ASIC5: variants seen among roughly 807,000 people sequenced by gnomAD.
ASIC5 encodes the protein acid sensing ion channel subunit family member 5.
In ASIC5, 52 loss-of-function variants were observed where a neutral mutation model predicts 51.2. The ratio of observed to expected loss-of-function variants is 1.02; its 90% CI spans 0.81 to 1.28. The LOEUF is 1.28. ASIC5 is among the 50% of genes most tolerant of loss of function. ASIC5 has a pLI of 0.00. For synonymous variants in ASIC5, 231 were observed against 200.7 expected (o/e 1.15, Z -1.28); for missense variants, 635 against 595.0 (o/e 1.07, Z -0.70).
rs142227170 is a variant in ASIC5, at chr4:155,838,461, A to G, written c.1066+352T>C. ...TTCCCAATCAGTGAGAGGAGTTCTC[A>G]GTAATAAAACTTCTATTTATTTTTA... is the stretch of plus-strand genomic sequence containing the variant. On this transcript the variant is annotated intron_variant, in intron 7 of 9. Coordinates refer to ENST00000537611, the MANE Select transcript of ASIC5 (RefSeq NM_017419.3). Among the ~76,000 whole-genome samples the G allele has an allele frequency of 2.4e-3, 368 of 152,326 alleles. 1 individual carries two copies. The highest frequency in any genetic ancestry group is 8.1e-3 in the African/African-American group (337 of 41,582).
chr4:155,844,615 T>TTTTG (rs1553951811), intron 4 of ASIC5, among the ~76,000 whole-genome samples: 2 of 150,506 alleles, frequency 1.3e-5, no homozygotes, highest in Non-Finnish European at 3.0e-5. Context: ...TCTTGTGGGG[T>TTTTG]TGTGTGTGTG....
chr4:155,831,632 G>A (rs1458850116), intron 9 of ASIC5, among the ~76,000 whole-genome samples, 192 bp downstream of exon 9: 1 of 152,046 alleles, frequency 6.6e-6, no homozygotes, highest in African/African-American at 2.4e-5. Context: ...TTAGCCAGGC[G>A]TGGTGGCGGG....
Position 155,863,726 on chromosome 4 carries a change from A to G in ASIC5, c.69T>C (p.Leu23=). Residue 23 remains leucine (L), a synonymous_variant, in exon 2 of 10, where the codon CTT becomes CTC. Coordinates refer to ENST00000537611, the MANE Select transcript of ASIC5 (RefSeq NM_017419.3). ...NGLLEKIKLC[L]SKKPLPSPTE... is the part of the protein sequence containing the mutation. ...TGGGAGATGGCAGTGGTTTCTTTGA[A>G]AGGCAAAGCTTTATCTTTTCTAAGA... The G allele has an allele frequency of 1.9e-6, 3 of 1,613,632 alleles. No homozygotes were observed. The highest frequency in any genetic ancestry group is 2.5e-6 in the Non-Finnish European group (3 of 1,179,830).
intron 2 of ASIC5, chr4:155,855,305 C>T (rs1741505039): frequency 2.0e-5 from 3 of 151,922 alleles, no homozygotes; most frequent in African/African-American, 7.3e-5. Flanking sequence ...TTTTTAGACA[C>T]CTGCCTGGAA....
rs113904772 is a variant in ASIC5 at position 155,866,128 on chromosome 4, A to G, written c.40+59T>C. On this transcript the variant is annotated intron_variant, in intron 1 of 9. Coordinates refer to ENST00000537611, the MANE Select transcript of ASIC5 (RefSeq NM_017419.3). The stretch of plus-strand genomic sequence containing the variant: ...GAAGAAAAAAAATCTCTCTTTTCTT[A>G]CTTCTGGCCTCTAGAAATGAAAAAT... The G allele has an allele frequency of 3.9e-5, 42 of 1,066,716 alleles. 2 individuals carry two copies. In the African/African-American group the frequency reaches 5.9e-4, roughly 15 times the overall value. The allele number at this position is 1,066,716 out of a possible 1,614,324, so 66.1% of individuals were successfully genotyped here. A position where few individuals can be genotyped will look rare whatever the true frequency, so the allele number is the denominator to read the frequency against.
intron 8 of ASIC5, among the ~76,000 whole-genome samples, chr4:155,834,569 T>A (rs1229454708): frequency 6.6e-6 from 1 of 152,134 alleles, no homozygotes; most frequent in African/African-American, 2.4e-5. Flanking sequence ...GGTCCCTACA[T>A]GTACATTATG....
At chr4:155,857,408 G>A (rs189951773) in intron 2 of ASIC5, among the ~76,000 whole-genome samples, 24 of 152,158 alleles carry the variant, frequency 1.6e-4, no homozygotes, top group Admixed American at 1.5e-3. Context: ...ATAGGCACTA[G>A]CCACTGTGTC....
chr4:155,843,755 C>G lies in ASIC5; in HGVS notation c.787G>C (p.Val263Leu), dbSNP rs766433726. The G allele has an allele frequency of 3.1e-6, 5 of 1,613,716 alleles. No homozygotes were observed. Among genetic ancestry groups the G allele is most frequent in the Non-Finnish European group, 4.2e-6 (5 of 1,179,752 alleles). ...IIFVIHSPKK[V>L]PQFDGLGLLS... ...AAGCCTAACCCATCAAACTGTGGCACCTTCTTTGGTGAATGGATAACAAAG... is the reference window on the plus strand; with the variant it reads ...AAGCCTAACCCATCAAACTGTGGCAGCTTCTTTGGTGAATGGATAACAAAG... The change falls in exon 5 of 10, where the codon GTG becomes CTG. Residue 263 changes from valine (V) to leucine (L), a missense_variant. Physicochemically the swap from Val to Leu is conservative, Grantham distance 32. Transcript: ENST00000537611.
chr4:155,845,495 T>C (rs1487696061), intron 4 of ASIC5, among the ~76,000 whole-genome samples: 1 of 151,992 alleles, frequency 6.6e-6, no homozygotes, highest in East Asian at 1.9e-4. Flanking sequence ...TCTTGGGTTT[T>C]TAAGGAAGAG....
chr4:155,865,574 T>C (rs1191410170), intron 1 of ASIC5, among the ~76,000 whole-genome samples: 2 of 152,134 alleles, frequency 1.3e-5, no homozygotes, highest in African/African-American at 4.8e-5. Flanking sequence ...AACATTTAAC[T>C]TTCAAGTTTG....
Position 155,836,718 on chromosome 4 carries a change from C to T in ASIC5, c.1206G>A (p.Lys402=). The T allele has an allele frequency of 6.2e-7, 1 of 1,609,916 alleles. No homozygotes were observed. The highest frequency in any genetic ancestry group is 1.1e-5 in the South Asian group (1 of 90,544). ...TGTATTTCCGGCTTTGATTCAACTT[C>T]TTGGAAAGATATTTCAAAGCTTTTT... ...PSQKALKYLS[K]KLNQSRKYIR... Residue 402 remains lysine, a synonymous_variant, in exon 8 of 10, where the codon AAG becomes AAA. Coordinates refer to ENST00000537611, the MANE Select transcript of ASIC5 (RefSeq NM_017419.3).
chr4:155,851,946 T>C (rs1410687086), intron 4 of ASIC5, among the ~76,000 whole-genome samples: 1 of 152,052 alleles, frequency 6.6e-6, no homozygotes, highest in East Asian at 1.9e-4. Flanking sequence ...GGCATGAACA[T>C]TCCCTGGAGT....
chr4:155,855,208 T>A (rs566382070), intron 2 of ASIC5: 2 of 152,086 alleles, frequency 1.3e-5, no homozygotes, highest in African/African-American at 4.8e-5. Flanking sequence ...TTCATTTCCC[T>A]CTGACTTAAG....
chr4:155,845,294 G>A (rs1329548490), intron 4 of ASIC5, among the ~76,000 whole-genome samples: 1 of 151,244 alleles, frequency 6.6e-6, no homozygotes, highest in African/African-American at 2.4e-5. Flanking sequence ...CATCCAAGAT[G>A]TGTGTGTGTA....
intron 2 of ASIC5, among the ~76,000 whole-genome samples, chr4:155,860,182 A>C (rs35361675): frequency 0.11 from 15,983 of 151,958 alleles, 989 homozygotes; most frequent in South Asian, 0.23. Context: ...AAATTTCATG[A>C]AAATATATGA....
chr4:155,845,411 T>TA (rs1741218674), intron 4 of ASIC5, among the ~76,000 whole-genome samples: 1 of 151,462 alleles, frequency 6.6e-6, no homozygotes. Flanking sequence ...CAAAAGTTTT[T>TA]TTTTTCCTTC....
intron 2 of ASIC5, among the ~76,000 whole-genome samples, chr4:155,863,236 A>T (rs1034355969): frequency 6.6e-6 from 1 of 152,084 alleles, no homozygotes; most frequent in African/African-American, 2.4e-5. Flanking sequence ...TTGTGGAAGG[A>T]AGGAAGAAAA....
intron 6 of ASIC5, among the ~76,000 whole-genome samples, chr4:155,840,877 T>A: frequency 6.6e-6 from 1 of 152,044 alleles, no homozygotes; most frequent in Non-Finnish European, 1.5e-5. Flanking sequence ...CTGCCTCCAA[T>A]GATCAGCTGG....
At chr4:155,844,460 T>C (rs1330843237) in intron 4 of ASIC5, among the ~76,000 whole-genome samples, 1 of 152,146 alleles carries the variant, frequency 6.6e-6, no homozygotes, top group African/African-American at 2.4e-5. Context: ...TTTGGGATTC[T>C]TTCTTGCAAA....
Sources: allele counts gnomAD v4.1 joint callset (sites outside exome capture counted in the v4.1 genomes callset), GRCh38; gene constraint gnomAD v4.1.1; transcripts MANE v1.5; gene names NCBI Gene and HGNC (gene_info 2026-07-23, HGNC 2026-07-21).